CACNG4: variants seen among roughly 807,000 people sequenced by gnomAD.
CACNG4 encodes voltage-dependent calcium channel gamma-4 subunit.
Under a neutral mutation model 22.9 loss-of-function variants are expected in CACNG4, and 8 were observed. The observed-to-expected ratio is 0.35, with a 90% CI of 0.21 to 0.63. The LOEUF (loss-of-function observed/expected upper bound fraction) is 0.63. Ranked by LOEUF, CACNG4 falls within the 30% of genes least tolerant of loss-of-function variation. The probability of loss-of-function intolerance (pLI) is 0.72; values close to 1 mark genes in which losing one functional copy is unlikely to be tolerated. For missense variants in CACNG4, 357 were observed against 455.4 expected (o/e 0.78, Z 1.97); for synonymous variants, 188 against 191.9 (o/e 0.98, Z 0.17).
At chr17:67,019,878 C>G (rs569368746) in intron 2 of CACNG4, 1 of 152,386 alleles carries the variant, frequency 6.6e-6, no homozygotes, top group South Asian at 2.1e-4. Flanking sequence ...CCAGAGGTCA[C>G]CCCACATGGC....
Position 67,031,821 on chromosome 17 carries a change from C to A in CACNG4, c.*817C>A, listed in dbSNP as rs143419199. ...GGAATGGCGGCCACGTGACCTCTTG[C>A]CGTGCCCCTTGTCATAGACCCAAGG... On this transcript the variant is annotated 3_prime_UTR_variant, in exon 4 of 4. Coordinates refer to ENST00000262138, the MANE Select transcript of CACNG4 (RefSeq NM_014405.4). This position sits in a 1 kb window ranked among gnomAD's most constrained non-coding sequence, Gnocchi z 4.0. The A allele has an allele frequency of 8.4e-4, 385 of 456,724 alleles. 1 individual carries two copies. Among genetic ancestry groups the A allele is most frequent in the African/African-American group, 6.9e-3 (348 of 50,188 alleles). 28.3% of individuals were successfully genotyped at this position (456,724 alleles called of 1,614,324 possible).
chr17:66,965,210 G>GCA (rs1327317391), intron 1 of CACNG4, 79 bp downstream of exon 1: 15 of 774,002 alleles, frequency 1.9e-5, no homozygotes, highest in East Asian at 1.6e-4. Context: ...GCGCGCGCGC[G>GCA]CGCACACACA....
In CACNG4 at chr17:66,964,839, G is replaced by C; in HGVS notation, c.-73G>C. 1.1e-6 allele frequency: 1 copy of C among 919,924 alleles called. No homozygotes were observed. Among genetic ancestry groups the C allele is most frequent in the Non-Finnish European group, 1.3e-6 (1 of 745,714 alleles). The allele number at this position is 919,924 out of a possible 1,614,324, so 57.0% of individuals were successfully genotyped here. ...CCCCCAACCCCGGCGCCCCCGGAGCGGCGCGCGGAGGGAGGAGGGCGGGCG... is the reference window on the plus strand; with the variant it reads ...CCCCCAACCCCGGCGCCCCCGGAGCCGCGCGCGGAGGGAGGAGGGCGGGCG... On this transcript the variant is annotated 5_prime_UTR_variant, in exon 1 of 4. Coordinates refer to ENST00000262138, the MANE Select transcript of CACNG4 (RefSeq NM_014405.4).
chr17:67,003,859 T>C (rs551350806), intron 1 of CACNG4, among the ~76,000 whole-genome samples: 1 of 152,308 alleles, frequency 6.6e-6, no homozygotes, highest in East Asian at 1.9e-4. Flanking sequence ...CTTATCACCA[T>C]GGAAATGGCC....
At chr17:67,014,386 A>G (rs772453416) in intron 1 of CACNG4, among the ~76,000 whole-genome samples, 2 of 152,094 alleles carry the variant, frequency 1.3e-5, no homozygotes, top group Non-Finnish European at 2.9e-5. Context: ...CAAGCATTCT[A>G]CTCCACAAAA....
chr17:67,023,954 C>T (rs188621347), intron 2 of CACNG4, among the ~76,000 whole-genome samples: 69 of 152,326 alleles, frequency 4.5e-4, no homozygotes, highest in African/African-American at 1.6e-3. Flanking sequence ...GGCTGCAATT[C>T]AACTCCCTAC....
In CACNG4 at chr17:67,030,678, G is replaced by A; in HGVS notation, c.658G>A (p.Glu220Lys). The A allele has an allele frequency of 6.2e-7, 1 of 1,614,210 alleles. No homozygotes were observed. The highest frequency in any genetic ancestry group is 1.3e-5 in the African/African-American group (1 of 75,048). Residue 220 changes from glutamate (E) to lysine (K), a missense_variant, in exon 4 of 4, where the codon GAA becomes AAA. Glu to Lys is a moderately conservative substitution (Grantham distance 56, BLOSUM62 1). Transcript: ENST00000262138. The surrounding 1 kb of genome is among the most constrained non-coding windows in gnomAD (Gnocchi z 6.4). ...AGAGTTGAGGTTTAAGACCAAACGG[G>A]AATTCCTTAAGGCGTCTTCCTCTTC... Reference protein sequence around the residue: ...NKELRFKTKREFLKASSSSPY... With the variant: ...NKELRFKTKRKFLKASSSSPY...
chr17:66,999,537 A>G (rs1450091697), intron 1 of CACNG4, among the ~76,000 whole-genome samples: 2 of 152,206 alleles, frequency 1.3e-5, no homozygotes, highest in Admixed American at 6.5e-5. Context: ...GCAAAGGGGA[A>G]GCAGGCACCT....
At chr17:66,983,530 C>A (rs1313558812) in intron 1 of CACNG4, among the ~76,000 whole-genome samples, 1 of 152,194 alleles carries the variant, frequency 6.6e-6, no homozygotes, top group African/African-American at 2.4e-5. Context: ...GCTGGCACAG[C>A]AGGCTTCTTG....
At position 67,031,969 on chromosome 17, in the gene CACNG4, C is replaced by T. The variant is rs868073144; in HGVS notation, c.*965C>T. Reference sequence around the variant, plus strand: ...CAAGAAAGGGAGACCTAAGGGTGAACAGTGGCCAATAAAAACCCTAGAGAA... The same window carrying T: ...CAAGAAAGGGAGACCTAAGGGTGAATAGTGGCCAATAAAAACCCTAGAGAA... On this transcript the variant is annotated 3_prime_UTR_variant, in exon 4 of 4. Coordinates refer to ENST00000262138, the MANE Select transcript of CACNG4 (RefSeq NM_014405.4). The surrounding 1 kb of genome is among the most constrained non-coding windows in gnomAD (Gnocchi z 4.0). The T allele has an allele frequency of 1.5e-5, 7 of 456,582 alleles. No homozygotes were observed. Among genetic ancestry groups the T allele is most frequent in the African/African-American group, 4.0e-5 (2 of 50,054 alleles). The allele number at this position is 456,582 out of a possible 1,614,324, so 28.3% of individuals were successfully genotyped here. A position where few individuals can be genotyped will look rare whatever the true frequency, so the allele number is the denominator to read the frequency against.
chr17:67,001,655 C>A (rs1169845928), intron 1 of CACNG4, among the ~76,000 whole-genome samples: 1 of 152,234 alleles, frequency 6.6e-6, no homozygotes, highest in Admixed American at 6.5e-5. Context: ...TGGCACCCAG[C>A]AACCTCTTAA....
intron 1 of CACNG4, among the ~76,000 whole-genome samples, chr17:67,012,544 A>T (rs1019105): frequency 0.42 from 63,750 of 152,016 alleles, 16,725 homozygotes; most frequent in African/African-American, 0.74. Context: ...CAGTGTAGAA[A>T]GGACTTCAGA....
At chr17:66,965,614 A>T (rs1392843606) in intron 1 of CACNG4, among the ~76,000 whole-genome samples, 2 of 148,966 alleles carry the variant, frequency 1.3e-5, no homozygotes, top group African/African-American at 5.0e-5. Context: ...TTGCTATGGG[A>T]ACTGGCCATC....
At position 66,984,815 on chromosome 17, in the gene CACNG4, C is replaced by T. The variant is rs1226864449; in HGVS notation, c.220+19684C>T. On this transcript the variant is annotated intron_variant, in intron 1 of 3. Coordinates refer to ENST00000262138, the MANE Select transcript of CACNG4 (RefSeq NM_014405.4). The surrounding 1 kb of genome is among the most constrained non-coding windows in gnomAD (Gnocchi z 4.0). Reference sequence around the variant, plus strand: ...GCGAAGCAGCAGGGGCAGAGTTTGACTTGAACCCGAGCCTGAGTTTAGCCT... The same window carrying T: ...GCGAAGCAGCAGGGGCAGAGTTTGATTTGAACCCGAGCCTGAGTTTAGCCT... Among the ~76,000 whole-genome samples, 1 of 152,124 alleles carries T rather than the reference C, an allele frequency of 6.6e-6. No homozygotes were observed.
chr17:66,996,379 CTTTTT>C (rs10585610), intron 1 of CACNG4, among the ~76,000 whole-genome samples: 37 of 129,132 alleles, frequency 2.9e-4, no homozygotes, highest in African/African-American at 6.7e-4. Context: ...CAGTCCGATT[CTTTTT>C]TTTTTTTTTT....
intron 1 of CACNG4, among the ~76,000 whole-genome samples, chr17:67,004,733 C>CT (rs970514812): frequency 1.3e-5 from 2 of 152,070 alleles, no homozygotes; most frequent in African/African-American, 4.8e-5. Flanking sequence ...AGAGGACTTT[C>CT]TTTTTTTAAG....
At chr17:66,985,799 G>A (rs1337233715) in intron 1 of CACNG4, among the ~76,000 whole-genome samples, 5 of 152,208 alleles carry the variant, frequency 3.3e-5, no homozygotes, top group South Asian at 2.1e-4. Context: ...GTGGAAATGC[G>A]TTAAGTGCAC....
intron 1 of CACNG4, among the ~76,000 whole-genome samples, chr17:66,969,956 C>T (rs1393580511): frequency 1.3e-5 from 2 of 152,156 alleles, no homozygotes; most frequent in South Asian, 2.1e-4. Flanking sequence ...TGAGTGACAG[C>T]GTCAGAACAG....
intron 1 of CACNG4, among the ~76,000 whole-genome samples, chr17:66,966,908 A>T (rs1001585347): frequency 2.0e-5 from 3 of 152,186 alleles, no homozygotes; most frequent in Non-Finnish European, 2.9e-5. Context: ...TACCCACGTC[A>T]CTACCTGCCA....
Sources: gnomAD v4.1 joint callset for allele counts (sites outside exome capture counted in the v4.1 genomes callset) on GRCh38, gnomAD v4.1.1 for gene constraint, Gnocchi (gnomAD v3.1) non-coding constraint, MANE v1.5 for transcripts, NCBI Gene and HGNC (gene_info 2026-07-23, HGNC 2026-07-21) for gene names.